The following NCOR1 variants were observed in gnomAD, a reference collection of about 807,000 sequenced individuals.
The protein encoded by NCOR1 is nuclear receptor corepressor 1.
In NCOR1, 63 loss-of-function variants were observed where a neutral mutation model predicts 288.1. The observed-to-expected ratio is 0.22, with a 90% CI of 0.18 to 0.27. NCOR1 has a LOEUF of 0.27. Among genes scored for constraint, NCOR1 ranks in the 10% least tolerant of loss-of-function variants. The pLI, the probability that NCOR1 is intolerant of heterozygous loss-of-function variation, is 1.00. For synonymous variants in NCOR1, 1,007 were observed against 1,065.9 expected, an observed-to-expected ratio of 0.94 and a Z score of 1.08; for missense variants, 2,397 against 3,019.2, an observed-to-expected ratio of 0.79 and a Z score of 4.83.
At chr17:16,113,981 C>G (rs1354386122) in intron 18 of NCOR1, among the ~76,000 whole-genome samples, 1 of 151,770 alleles carries the variant, frequency 6.6e-6, no homozygotes, top group East Asian at 1.9e-4. Context: ...AATGCATGAT[C>G]CATTATGTAT....
In NCOR1 at chr17:16,092,035, T is replaced by C. The variant is rs201530462; in HGVS notation, c.2844A>G (p.Ile948Met). 2 of 1,614,110 alleles carry C rather than the reference T, an allele frequency of 1.2e-6. No individual in the cohort carries two copies. Among genetic ancestry groups the C allele is most frequent in the East Asian group, 4.5e-5 (2 of 44,888 alleles). Residue 948 changes from isoleucine to methionine, a missense_variant, in exon 22 of 46, where the codon ATA (isoleucine) becomes ATG (methionine). This residue lies in a region of NCOR1 where 1,872 missense variants were observed against 2,187.8 expected (regional missense o/e 0.86). Transcript: ENST00000268712. ...PPMVSCTPCN[I>M]PIGTPVSGYA... Reference sequence around the variant, plus strand: ...AGCCGCTCACTGGGGTTCCAATTGGTATGTTACATGGGGTGCAGGATACCT... The same window carrying C: ...AGCCGCTCACTGGGGTTCCAATTGGCATGTTACATGGGGTGCAGGATACCT...
At chr17:16,040,634 G>A in intron 42 of NCOR1, 140 bp from the exon 43 acceptor site, 9 of 791,774 alleles carry the variant, frequency 1.1e-5, no homozygotes, top group African/African-American at 5.2e-5. Flanking sequence ...ATTAAGTGAA[G>A]ATAAAATGGA....
rs907679084 is a variant in NCOR1 at position 16,124,015 on chromosome 17, C to G, written c.1634+2067G>C. On this transcript the variant is annotated intron_variant, in intron 15 of 45. Transcript: ENST00000268712. The stretch of plus-strand genomic sequence containing the variant: ...AATAAAATCAAGTTATGACAGAGTT[C>G]CATGTGAGAAGAACCACTGGCTACA... Among the ~76,000 whole-genome samples, 4 of 152,140 alleles carry G rather than the reference C, an allele frequency of 2.6e-5. No individual in the cohort carries two copies. In the East Asian group the frequency reaches 7.7e-4, roughly 29 times the overall value.
Position 16,046,947 on chromosome 17 carries a change from T to A in NCOR1, c.6679+4A>T. ...TTGGGGTTCATGAAAGAAATCCCAC[T>A]TACCCATATCAGAGTCACCTCCACC... On this transcript the variant is annotated splice_donor_region_variant and intron_variant, in intron 42 of 45. Transcript: ENST00000268712. 6.2e-7 allele frequency: 1 copy of A among 1,613,322 alleles called. No individual in the cohort carries two copies. Among genetic ancestry groups the A allele is most frequent in the Non-Finnish European group, 8.5e-7 (1 of 1,179,686 alleles).
At position 16,101,234 on chromosome 17, in the gene NCOR1, A is replaced by C. The variant is rs768158504; in HGVS notation, c.2690+16T>G. On this transcript the variant is annotated intron_variant, in intron 20 of 45. Coordinates refer to ENST00000268712, the MANE Select transcript of NCOR1 (RefSeq NM_006311.4). ...AGCAGAGTAAGCACGGGGAGGACTT[A>C]TGGAACGAGCCTCACCTCTGCCTCT... 1 of 1,558,714 alleles carries C rather than the reference A, an allele frequency of 6.4e-7. No individual in the cohort carries two copies. Among genetic ancestry groups the C allele is most frequent in the Non-Finnish European group, 8.7e-7 (1 of 1,154,570 alleles).
Position 16,092,587 on chromosome 17 carries a change from A to G in NCOR1, c.2821-529T>C, listed in dbSNP as rs185797557. 3.9e-3 allele frequency among the ~76,000 whole-genome samples: 550 copies of G among 139,962 alleles called. 7 individuals carry two copies. The highest frequency in any genetic ancestry group is 0.014 in the African/African-American group (517 of 37,686). The allele number at this position is 139,962 out of a possible 152,430, so 91.8% of individuals were successfully genotyped here. ...TGTCTGATTCTAATTTATGGCAGCC[A>G]AGTCCCTTGTGGCCCTAGGTCCCAT... On this transcript the variant is annotated intron_variant, in intron 21 of 45. Coordinates refer to ENST00000268712, the MANE Select transcript of NCOR1 (RefSeq NM_006311.4).
At chr17:16,114,375 C>A (rs1222212157) in intron 18 of NCOR1, among the ~76,000 whole-genome samples, 1 of 152,016 alleles carries the variant, frequency 6.6e-6, no homozygotes, top group African/African-American at 2.4e-5. Flanking sequence ...TGCCGCTGGC[C>A]CCTCCCACAT....
chr17:16,075,526 A>T lies in NCOR1; in HGVS notation c.3670+8T>A. On this transcript the variant is annotated splice_region_variant and intron_variant, in intron 27 of 45. Coordinates refer to ENST00000268712, the MANE Select transcript of NCOR1 (RefSeq NM_006311.4). ...ATACTGGCTTTGGTGCATACATACA[A>T]TACTTACTATCATATGACAAGATAT... 6.2e-7 allele frequency: 1 copy of T among 1,614,004 alleles called. No individual in the cohort carries two copies. The highest frequency in any genetic ancestry group is 8.5e-7 in the Non-Finnish European group (1 of 1,179,926).
intron 17 of NCOR1, 71 bp downstream of exon 17, chr17:16,119,352 C>T (rs2072495589): frequency 9.3e-7 from 1 of 1,076,776 alleles, no homozygotes; most frequent in Non-Finnish European, 1.4e-6. Context: ...CAATTAGTTC[C>T]ATCTCACTCA....
At chr17:16,122,257 T>C (rs181254810) in intron 15 of NCOR1, among the ~76,000 whole-genome samples, 64 of 152,344 alleles carry the variant, frequency 4.2e-4, no homozygotes, top group African/African-American at 1.5e-3. Context: ...AATGAATGGA[T>C]AGATGGCAAT....
intron 1 of NCOR1, among the ~76,000 whole-genome samples, chr17:16,205,493 C>T (rs1172140106): frequency 6.0e-5 from 9 of 150,978 alleles, no homozygotes; most frequent in African/African-American, 1.5e-4. Context: ...TGGTGGCAGA[C>T]GCCTGTAATC....
At chr17:16,214,446 T>C (rs1447316624) in intron 1 of NCOR1, among the ~76,000 whole-genome samples, 1 of 152,188 alleles carries the variant, frequency 6.6e-6, no homozygotes, top group Non-Finnish European at 1.5e-5. Context: ...ACACAAGGAA[T>C]GTAAATTTCA....
chr17:16,156,692 T>C (rs2079867415), intron 6 of NCOR1, among the ~76,000 whole-genome samples: 1 of 152,090 alleles, frequency 6.6e-6, no homozygotes, highest in Admixed American at 6.6e-5. Flanking sequence ...AAACCAAATA[T>C]GGAAATGTTC....
At position 16,053,610 on chromosome 17, in the gene NCOR1, C is replaced by T. The variant is rs146791219; in HGVS notation, c.6392+3904G>A. On this transcript the variant is annotated intron_variant, in intron 40 of 45. Coordinates refer to ENST00000268712, the MANE Select transcript of NCOR1 (RefSeq NM_006311.4). ...GAAGAATCAATATCATTAAAATGGC[C>T]GTACTGCCCAATGCAATTCACAAAT... 9.6e-4 allele frequency among the ~76,000 whole-genome samples: 146 copies of T among 152,194 alleles called. 3 individuals are homozygous for T. In the East Asian group the frequency reaches 0.022, roughly 23 times the overall value.
rs140006672 is a variant in NCOR1, at chr17:16,183,927, A to C, written c.242+2627T>G. On this transcript the variant is annotated intron_variant, in intron 3 of 45. Coordinates refer to ENST00000268712, the MANE Select transcript of NCOR1 (RefSeq NM_006311.4). ...AAAAGAATAGAAAGCCCAGAAATAA[A>C]TCTAAACATATGGCCGCCTAACTTT... is the stretch of plus-strand genomic sequence containing the variant. 2.0e-5 allele frequency among the ~76,000 whole-genome samples: 3 copies of C among 152,266 alleles called. No homozygotes were observed. In the East Asian group the frequency reaches 5.8e-4, roughly 29 times the overall value.
chr17:16,072,035 T>C lies in NCOR1; in HGVS notation c.3895+110A>G, dbSNP rs997791107. 3 of 859,830 alleles carry C rather than the reference T, an allele frequency of 3.5e-6. No individual in the cohort carries two copies. In the African/African-American group the frequency reaches 5.1e-5, roughly 15 times the overall value. The allele number at this position is 859,830 out of a possible 1,614,324, so 53.3% of individuals were successfully genotyped here. A position where few individuals can be genotyped will look rare whatever the true frequency, so the allele number is the denominator to read the frequency against. On this transcript the variant is annotated intron_variant, in intron 29 of 45. Coordinates refer to ENST00000268712, the MANE Select transcript of NCOR1 (RefSeq NM_006311.4). Reference sequence around the variant, plus strand: ...AAAGTAATAACCAAGACTTTAATATTTCAAAAGGGAAAATAACTTGAAAAG... The same window carrying C: ...AAAGTAATAACCAAGACTTTAATATCTCAAAAGGGAAAATAACTTGAAAAG...
intron 1 of NCOR1, among the ~76,000 whole-genome samples, chr17:16,194,988 A>G (rs1458066698): frequency 6.6e-6 from 1 of 152,220 alleles, no homozygotes; most frequent in Non-Finnish European, 1.5e-5. Flanking sequence ...TTGGGAGTTG[A>G]TAAGTCAATT....
intron 1 of NCOR1, among the ~76,000 whole-genome samples, chr17:16,197,877 C>T (rs537824189): frequency 4.6e-5 from 7 of 152,104 alleles, no homozygotes; most frequent in Admixed American, 2.0e-4. Context: ...GAATATAAAG[C>T]GAAAAATCTC....
Position 16,048,944 on chromosome 17 carries a change from G to A in NCOR1, c.6437C>T (p.Pro2146Leu). ...SPERSHVSSE[P>L]YEPISPPQVP... is the part of the protein sequence containing the mutation. ...CTGGGGTGGGGAGATGGGCTCGTAG[G>A]GCTCCGAAGAGACGTGACTCCTCTC... Residue 2146 changes from proline (P) to leucine (L), a missense_variant, in exon 41 of 46, where the codon CCC becomes CTC. Coordinates refer to ENST00000268712, the MANE Select transcript of NCOR1 (RefSeq NM_006311.4). 6.2e-7 allele frequency: 1 copy of A among 1,613,180 alleles called. No homozygotes were observed. Among genetic ancestry groups the A allele is most frequent in the Non-Finnish European group, 8.5e-7 (1 of 1,179,446 alleles).
Sources: gnomAD v4.1 joint callset for allele counts (sites outside exome capture counted in the v4.1 genomes callset) on GRCh38, gnomAD v4.1.1 for gene constraint, gnomAD v4.1.1 regional missense constraint, MANE v1.5 for transcripts, NCBI Gene and HGNC (gene_info 2026-07-23, HGNC 2026-07-21) for gene names.